The following TASOR2 variants were observed in gnomAD, a reference collection of about 807,000 sequenced individuals.
The protein encoded by TASOR2 is transcription activation suppressor family member 2.
Under a neutral mutation model 199.5 loss-of-function variants are expected in TASOR2, and 84 were observed. The observed-to-expected ratio is 0.42, with a 90% CI of 0.35 to 0.50. The LOEUF is 0.50. Ranked by LOEUF, TASOR2 falls within the 20% of genes least tolerant of loss-of-function variation. The pLI is 0.02. For missense variants in TASOR2, 2,796 were observed against 2,835.9 expected, an observed-to-expected ratio of 0.99 and a Z score of 0.32; for synonymous variants, 1,103 against 1,046.6, an observed-to-expected ratio of 1.05 and a Z score of -1.04.
Position 5,700,750 on chromosome 10 carries a change from G to C in TASOR2, c.-287-12073G>C, listed in dbSNP as rs563480343. On this transcript the variant is annotated intron_variant, in intron 1 of 20. Transcript: ENST00000328090. ...TCTTCTTTTGAAAAATGTTTATTCA[G>C]ATCTTTTGCCTGTTTTTTAATTGGA... Among the ~76,000 whole-genome samples, 113 of 151,692 alleles carry C rather than the reference G, an allele frequency of 7.4e-4. 4 individuals carry two copies. The South Asian group carries it at 0.022, about 30-fold the overall frequency.
Position 5,698,870 on chromosome 10 carries a change from T to C in TASOR2, c.-288+13695T>C, listed in dbSNP as rs1203937250. ...GCTGTGAAAAAATTGGAACCTTCTG[T>C]ATACTGCTGGTGGGAATATAAAATG... is the stretch of plus-strand genomic sequence containing the variant. On this transcript the variant is annotated intron_variant, in intron 1 of 20. Transcript: ENST00000328090. The surrounding 1 kb of genome is among the most constrained non-coding windows in gnomAD (Gnocchi z 4.4). Among the ~76,000 whole-genome samples, 1 of 152,226 alleles carries C rather than the reference T, an allele frequency of 6.6e-6. No individual in the cohort carries two copies. The highest frequency in any genetic ancestry group is 1.5e-5 in the Non-Finnish European group (1 of 68,028).
At chr10:5,688,047 G>C (rs757853654) in intron 1 of TASOR2, among the ~76,000 whole-genome samples, 109 of 152,240 alleles carry the variant, frequency 7.2e-4, no homozygotes, top group Non-Finnish European at 1.4e-3. Context: ...TTAATGACTA[G>C]AGTCTCATCT....
intron 16 of TASOR2, 73 bp downstream of exon 17, chr10:5,756,811 C>G: frequency 6.7e-7 from 1 of 1,492,588 alleles, no homozygotes; most frequent in South Asian, 1.3e-5. Context: ...AGACTCATCC[C>G]TCTTTTTTTA....
chr10:5,725,057 A>G (rs189262191), intron 8 of TASOR2, among the ~76,000 whole-genome samples: 116 of 152,242 alleles, frequency 7.6e-4, no homozygotes, highest in South Asian at 1.7e-3. Flanking sequence ...AAGTACTACT[A>G]TTGCCCCAGA....
rs535328565 is a variant in TASOR2 at position 5,731,072 on chromosome 10, T to C, written c.1073T>C (p.Met358Thr). 5.6e-6 allele frequency: 9 copies of C among 1,614,038 alleles called. No individual in the cohort carries two copies. The African/African-American group carries it at 6.7e-5, about 12-fold the overall frequency. Residue 358 changes from methionine to threonine, a missense_variant, in exon 11 of 21, where the codon ATG (methionine) becomes ACG (threonine). Coordinates refer to ENST00000328090, the Ensembl canonical transcript of TASOR2. ...AAGAGGAAGGCCAGCATGCCCCACA[T>C]GGTGCAGAGTAAAAAGGTGAACTTG...
chr10:5,685,254 C>CTAGG lies in TASOR2; in HGVS notation c.-288+80_-288+81insAGGT, dbSNP rs1835675132. ...TCCCCGAGGCCGAGCGCTCGGGCAG[C>CTAGG]TGCCGGGGCTTGGCTGCGAGGGTCG... is the stretch of plus-strand genomic sequence containing the variant. On this transcript the variant is annotated intron_variant, in intron 1 of 20. Coordinates refer to ENST00000328090, the Ensembl canonical transcript of TASOR2. This position sits in a 1 kb window ranked among gnomAD's most constrained non-coding sequence, Gnocchi z 5.4. The CTAGG allele has an allele frequency of 1.3e-5, 5 of 397,132 alleles. No homozygotes were observed. Among genetic ancestry groups the CTAGG allele is most frequent in the East Asian group, 3.6e-5 (1 of 28,022 alleles). 24.6% of individuals were successfully genotyped at this position (397,132 alleles called of 1,614,324 possible). A position where few individuals can be genotyped will look rare whatever the true frequency, so the allele number is the denominator to read the frequency against.
intron 6 of TASOR2, 136 bp downstream of exon 7, chr10:5,721,106 G>A: frequency 3.2e-6 from 2 of 632,270 alleles, no homozygotes; most frequent in East Asian, 2.8e-5. Context: ...GGTATATTTG[G>A]GTAAATGTAT....
intron 1 of TASOR2, 158 bp from the exon 2 acceptor site, chr10:5,712,665 A>G (rs954116827): frequency 2.4e-6 from 2 of 850,208 alleles, no homozygotes; most frequent in Non-Finnish European, 3.1e-6. Context: ...ATCCTTGGAA[A>G]TAGTCACTTG....
At chr10:5,696,038 A>C (rs1261838434) in intron 1 of TASOR2, among the ~76,000 whole-genome samples, 1 of 152,166 alleles carries the variant, frequency 6.6e-6, no homozygotes, top group Non-Finnish European at 1.5e-5. Context: ...GTTTATACCC[A>C]GGAGACTAGG....
intron 1 of TASOR2, among the ~76,000 whole-genome samples, chr10:5,704,793 T>C (rs556904202): frequency 2.3e-4 from 35 of 152,356 alleles, no homozygotes; most frequent in African/African-American, 7.7e-4. Context: ...ATCATGTTAC[T>C]CTTTAACTTA....
In TASOR2 at chr10:5,712,840, AC is replaced by A; in HGVS notation, c.-269del. On this transcript the variant is annotated 5_prime_UTR_variant, in exon 2 of 21. The change abolishes the stop of an existing upstream ORF in the 5' untranslated region. Transcript: ENST00000328090. ...TTATACAGTACAAAACTTTTTACCA[AC>A]AAAAAAAAGCAAGTAGTTATACTCA... is the stretch of plus-strand genomic sequence containing the variant. The A allele has an allele frequency of 8.1e-7, 1 of 1,230,344 alleles. No individual in the cohort carries two copies. Among genetic ancestry groups the A allele is most frequent in the Non-Finnish European group, 1.0e-6 (1 of 986,474 alleles). 76.2% of individuals were successfully genotyped at this position (1,230,344 alleles called of 1,614,324 possible).
At chr10:5,759,317 T>G (rs894920249) in intron 18 of TASOR2, among the ~76,000 whole-genome samples, 2 of 152,234 alleles carry the variant, frequency 1.3e-5, no homozygotes, top group Non-Finnish European at 2.9e-5. Context: ...TGGATACTTA[T>G]AAGTTGCCAC....
Position 5,754,951 on chromosome 10 carries a change from C to T in TASOR2, c.6607-1662C>T, listed in dbSNP as rs1032446218. On this transcript the variant is annotated intron_variant, in intron 15 of 20. Transcript: ENST00000328090. The surrounding 1 kb of genome is among the most constrained non-coding windows in gnomAD (Gnocchi z 4.3). ...GTCCCAGCTACTCGGGAGGCTGAGGCAGGAGAATGGCGTGAACCCGGGAGG... is the reference window on the plus strand; with the variant it reads ...GTCCCAGCTACTCGGGAGGCTGAGGTAGGAGAATGGCGTGAACCCGGGAGG... 2.0e-5 allele frequency among the ~76,000 whole-genome samples: 3 copies of T among 146,344 alleles called. No homozygotes were observed. Among genetic ancestry groups the T allele is most frequent in the Non-Finnish European group, 4.5e-5 (3 of 67,078 alleles).
At chr10:5,709,478 T>C in intron 1 of TASOR2, 1 of 1,127,102 alleles carries the variant, frequency 8.9e-7, no homozygotes, top group African/African-American at 1.6e-5. Context: ...ATAGTAAATA[T>C]GCTATAAATA....
In TASOR2 at chr10:5,685,615, A is replaced by G. The variant is rs1431814988; in HGVS notation, c.-288+440A>G. On this transcript the variant is annotated intron_variant, in intron 1 of 20. Coordinates refer to ENST00000328090, the Ensembl canonical transcript of TASOR2. This position sits in a 1 kb window ranked among gnomAD's most constrained non-coding sequence, Gnocchi z 5.4. ...TGGCAATGCGCCACCTTTTCTTTTT[A>G]GGGTAAAACAGGTCTCTCCGAAGGG... 6.6e-6 allele frequency among the ~76,000 whole-genome samples: 1 copy of G among 152,064 alleles called. No individual in the cohort carries two copies. Among genetic ancestry groups the G allele is most frequent in the African/African-American group, 2.4e-5 (1 of 41,402 alleles).
At chr10:5,688,302 A>G (rs1836014718) in intron 1 of TASOR2, among the ~76,000 whole-genome samples, 1 of 151,940 alleles carries the variant, frequency 6.6e-6, no homozygotes, top group Non-Finnish European at 1.5e-5. Flanking sequence ...ATAGCTCACT[A>G]CAGCCTCCAA....
intron 8 of TASOR2, 24 bp downstream of exon 9, chr10:5,724,557 T>C (rs1296222324): frequency 9.3e-7 from 1 of 1,070,552 alleles, no homozygotes; most frequent in Non-Finnish European, 1.3e-6. Flanking sequence ...ATTTAAAATA[T>C]AATTATTATG....
exon 1 of TASOR2, chr10:5,684,978 C>A (rs1364246827): frequency 7.5e-6 from 3 of 397,610 alleles, no homozygotes; most frequent in Non-Finnish European, 1.3e-5. Context: ...GCGCCCGCGG[C>A]GAGGACCCCG....
At chr10:5,694,207 A>G (rs574615611) in intron 1 of TASOR2, among the ~76,000 whole-genome samples, 1 of 152,340 alleles carries the variant, frequency 6.6e-6, no homozygotes, top group East Asian at 1.9e-4. Flanking sequence ...GTCAGGGAAA[A>G]GTAGAGCAAG....
Sources: gnomAD v4.1 joint callset for allele counts (sites outside exome capture counted in the v4.1 genomes callset) on GRCh38, gnomAD v4.1.1 for gene constraint, Gnocchi (gnomAD v3.1) non-coding constraint, MANE v1.5 for transcripts, NCBI Gene and HGNC (gene_info 2026-07-23, HGNC 2026-07-21) for gene names.